The following HTRA3 variants were observed in gnomAD, a reference collection of about 807,000 sequenced individuals.
HTRA3 encodes the protein serine protease HTRA3.
Under a neutral mutation model 43.2 loss-of-function variants are expected in HTRA3, and 41 were observed. That is an observed-to-expected ratio of 0.95 (90% CI 0.74 to 1.23). HTRA3 has a LOEUF of 1.23. Among genes scored for constraint, HTRA3 ranks in the 50% most tolerant of loss-of-function variants. The pLI, the probability that HTRA3 is intolerant of heterozygous loss-of-function variation, is 0.00. For synonymous variants in HTRA3, 295 were observed against 287.9 expected, an observed-to-expected ratio of 1.02 and a Z score of -0.25; for missense variants, 628 against 647.1, an observed-to-expected ratio of 0.97 and a Z score of 0.32.
Position 8,295,831 on chromosome 4 carries a change from G to A in HTRA3, c.1051+1630G>A. 3 of 1,239,854 alleles carry A rather than the reference G, an allele frequency of 2.4e-6. No individual in the cohort carries two copies. The highest frequency in any genetic ancestry group is 3.0e-6 in the Non-Finnish European group (3 of 990,718). The allele number at this position is 1,239,854 out of a possible 1,614,324, so 76.8% of individuals were successfully genotyped here. Reference sequence around the variant, plus strand: ...AGGGCTGGTCACATGAAGAGCTGCTGTTGAGGATGCCGCCATTGTTCTTCT... The same window carrying A: ...AGGGCTGGTCACATGAAGAGCTGCTATTGAGGATGCCGCCATTGTTCTTCT... On this transcript the variant is annotated intron_variant, in intron 6 of 8. Coordinates refer to ENST00000307358, the MANE Select transcript of HTRA3 (RefSeq NM_053044.5). The surrounding 1 kb of genome is among the most constrained non-coding windows in gnomAD (Gnocchi z 6.9).
At chr4:8,303,822 G>A (rs552508688) in intron 7 of HTRA3, among the ~76,000 whole-genome samples, 20 of 136,428 alleles carry the variant, frequency 1.5e-4, no homozygotes, top group African/African-American at 2.5e-4. Context: ...ACTCAGCATT[G>A]TCTGTCCATT....
Position 8,296,289 on chromosome 4 carries a change from C to T in HTRA3, c.1051+2088C>T. On this transcript the variant is annotated intron_variant, in intron 6 of 8. Coordinates refer to ENST00000307358, the MANE Select transcript of HTRA3 (RefSeq NM_053044.5). The surrounding 1 kb of genome is among the most constrained non-coding windows in gnomAD (Gnocchi z 5.3). ...GTCCCAGTTAGTGCTGACCTCATCCCAGAACCCCCTGGGAAATATCCCCTG... is the reference window on the plus strand; with the variant it reads ...GTCCCAGTTAGTGCTGACCTCATCCTAGAACCCCCTGGGAAATATCCCCTG... 1 of 985,524 alleles carries T rather than the reference C, an allele frequency of 1.0e-6. No homozygotes were observed. The highest frequency in any genetic ancestry group is 1.2e-6 in the Non-Finnish European group (1 of 830,012). 61.0% of individuals were successfully genotyped at this position (985,524 alleles called of 1,614,324 possible). A position where few individuals can be genotyped will look rare whatever the true frequency, so the allele number is the denominator to read the frequency against.
rs761561554 is a variant in HTRA3, at chr4:8,286,671, C to T, written c.596C>T (p.Ala199Val). ...NAHVVSSNSA[A>V]PGRQQLKVQL... ...CACGTGGTGTCCAGCAACAGTGCTG[C>T]CCCGGGCAGGCAGCAGCTCAAGGTG... The change falls in exon 3 of 9, where the codon GCC becomes GTC. Residue 199 changes from alanine to valine, a missense_variant. Coordinates refer to ENST00000307358, the MANE Select transcript of HTRA3 (RefSeq NM_053044.5). The surrounding 1 kb of genome is among the most constrained non-coding windows in gnomAD (Gnocchi z 4.9). The T allele has an allele frequency of 1.9e-6, 3 of 1,614,144 alleles. No homozygotes were observed. Among genetic ancestry groups the T allele is most frequent in the South Asian group, 2.2e-5 (2 of 91,088 alleles).
In HTRA3 at chr4:8,294,087, G is replaced by C. The variant is rs769152533; in HGVS notation, c.937G>C (p.Asp313His). 6.2e-7 allele frequency: 1 copy of C among 1,605,838 alleles called. No homozygotes were observed. The highest frequency in any genetic ancestry group is 8.5e-7 in the Non-Finnish European group (1 of 1,175,788). ...TGCCTGCTCTTACCTCCCTGCCCAGGATGGCGAGGTCATTGGCATCAACAC... is the reference window on the plus strand; with the variant it reads ...TGCCTGCTCTTACCTCCCTGCCCAGCATGGCGAGGTCATTGGCATCAACAC... ...GNSGGPLVNL[D>H]GEVIGINTLK... The change falls in exon 6 of 9, where the codon GAT becomes CAT. Residue 313 changes from aspartate (D) to histidine (H), a missense_variant and splice_region_variant. Physicochemically the swap from Asp to His is moderately conservative, Grantham distance 81. Transcript: ENST00000307358.
intron 3 of HTRA3, among the ~76,000 whole-genome samples, chr4:8,289,198 C>A (rs1713127988): frequency 6.6e-6 from 1 of 152,194 alleles, no homozygotes; most frequent in South Asian, 2.1e-4. Context: ...AATCCTCCTG[C>A]CTCGGCCTCC....
chr4:8,288,874 A>C (rs1262241530), intron 3 of HTRA3, among the ~76,000 whole-genome samples: 13 of 114,174 alleles, frequency 1.1e-4, no homozygotes, highest in South Asian at 3.4e-4. Flanking sequence ...CCCCACCCCC[A>C]AATTTTCCTT....
intron 3 of HTRA3, among the ~76,000 whole-genome samples, chr4:8,291,115 A>G (rs1390589757): frequency 6.6e-6 from 1 of 152,194 alleles, no homozygotes. Flanking sequence ...ATGAGCACCC[A>G]TGCCTGCCCT....
At chr4:8,301,006 T>G (rs550735787) in intron 6 of HTRA3, among the ~76,000 whole-genome samples, 1 of 151,534 alleles carries the variant, frequency 6.6e-6, no homozygotes, top group Non-Finnish European at 1.5e-5. Flanking sequence ...ACACTCATCT[T>G]TATTGATTCA....
chr4:8,301,750 T>A (rs1713663937), intron 6 of HTRA3, among the ~76,000 whole-genome samples: 2 of 152,236 alleles, frequency 1.3e-5, no homozygotes, highest in African/African-American at 4.8e-5. Flanking sequence ...CTGAACATAA[T>A]TTCTAATTTC....
rs183267423 is a variant in HTRA3 at position 8,274,416 on chromosome 4, G to A, written c.385+4063G>A. On this transcript the variant is annotated intron_variant, in intron 1 of 8. Coordinates refer to ENST00000307358, the MANE Select transcript of HTRA3 (RefSeq NM_053044.5). ...GGCCCTGCACACAGATGTGACTGTG[G>A]GTCAATTTCTCTGCGTGATCCCCAT... Among the ~76,000 whole-genome samples, 16 of 152,328 alleles carry A rather than the reference G, an allele frequency of 1.1e-4. No individual in the cohort carries two copies. In the East Asian group the frequency reaches 3.1e-3, roughly 29 times the overall value.
At position 8,292,612 on chromosome 4, in the gene HTRA3, G is replaced by A. The variant is rs374106060; in HGVS notation, c.936+259G>A. On this transcript the variant is annotated intron_variant, in intron 5 of 8. Transcript: ENST00000307358. Reference sequence around the variant, plus strand: ...GTCCAGGGCCATGTGCCTGTCAGGGGAGCTGGGGCAAGGGAGACGCAGGTG... The same window carrying A: ...GTCCAGGGCCATGTGCCTGTCAGGGAAGCTGGGGCAAGGGAGACGCAGGTG... Among the ~76,000 whole-genome samples the A allele has an allele frequency of 4.1e-4, 62 of 152,360 alleles. 1 individual carries two copies. The East Asian group carries it at 9.1e-3, about 22-fold the overall frequency.
rs1479354832 is a variant in HTRA3, at chr4:8,291,356, C to T, written c.709-14C>T. ...TAAGCCTCCCTCTCTGTGTCTTCTC[C>T]TTCTCTCTCCTAGAAAAAGCTCCCT... On this transcript the variant is annotated splice_polypyrimidine_tract_variant and intron_variant, in intron 3 of 8. Transcript: ENST00000307358. 1 of 1,611,890 alleles carries T rather than the reference C, an allele frequency of 6.2e-7. No individual in the cohort carries two copies. The highest frequency in any genetic ancestry group is 1.7e-5 in the Admixed American group (1 of 60,018).
At chr4:8,287,257 C>T (rs991241582) in intron 3 of HTRA3, among the ~76,000 whole-genome samples, 3 of 152,104 alleles carry the variant, frequency 2.0e-5, no homozygotes, top group African/African-American at 7.2e-5. Context: ...ACTGAGGCCC[C>T]CAGAATCCTC....
Position 8,282,504 on chromosome 4 carries a change from A to T in HTRA3, c.453A>T (p.Ala151=). Reference sequence around the variant, plus strand: ...TTGCTGACGTGGTGGAGAAGATCGCACCAGCCGTGGTCCACATAGAGCTCT... The same window carrying T: ...TTGCTGACGTGGTGGAGAAGATCGCTCCAGCCGTGGTCCACATAGAGCTCT... The part of the protein sequence containing the change: ...NFIADVVEKI[A]PAVVHIELFL... The change falls in exon 2 of 9, where the codon GCA becomes GCT. Residue 151 remains alanine (A), a synonymous_variant. Transcript: ENST00000307358. The T allele has an allele frequency of 6.2e-7, 1 of 1,613,972 alleles. No homozygotes were observed. The highest frequency in any genetic ancestry group is 8.5e-7 in the Non-Finnish European group (1 of 1,179,936).
intron 1 of HTRA3, 132 bp from the exon 2 acceptor site, chr4:8,282,305 G>T: frequency 1.4e-6 from 1 of 710,122 alleles, no homozygotes; most frequent in Non-Finnish European, 2.4e-6. Flanking sequence ...GCTCAGTGTG[G>T]GCTGAGGCTG....
chr4:8,297,993 C>T lies in HTRA3; in HGVS notation c.1051+3792C>T, dbSNP rs12643531. 0.55 allele frequency among the ~76,000 whole-genome samples: 84,306 copies of T among 151,944 alleles called. 23,819 individuals are homozygous for T. The highest frequency in any genetic ancestry group is 0.85 in the East Asian group (4,406 of 5,160). ...TCCCACATGCCTCATCCACTGTCAGCGAGTCCATTGGCCCAGGCTTCAGGA... is the reference window on the plus strand; with the variant it reads ...TCCCACATGCCTCATCCACTGTCAGTGAGTCCATTGGCCCAGGCTTCAGGA... On this transcript the variant is annotated intron_variant, in intron 6 of 8. Transcript: ENST00000307358. This position sits in a 1 kb window ranked among gnomAD's most constrained non-coding sequence, Gnocchi z 5.8.
intron 3 of HTRA3, among the ~76,000 whole-genome samples, chr4:8,287,620 T>C (rs1713046881): frequency 6.6e-6 from 1 of 151,852 alleles, no homozygotes; most frequent in South Asian, 2.1e-4. Context: ...CTCACCACCA[T>C]GAGAACAGCA....
Position 8,304,173 on chromosome 4 carries a change from A to G in HTRA3, c.1101-11A>G, listed in dbSNP as rs761971843. 5.0e-6 allele frequency: 8 copies of G among 1,612,506 alleles called. No individual in the cohort carries two copies. In the Admixed American group the frequency reaches 1.3e-4, roughly 27 times the overall value. Reference sequence around the variant, plus strand: ...CTCAGGGGAGGGGCCTTGACGGCAGACTCTTTCCAGCCTGGTGGATGAGCT... The same window carrying G: ...CTCAGGGGAGGGGCCTTGACGGCAGGCTCTTTCCAGCCTGGTGGATGAGCT... On this transcript the variant is annotated splice_polypyrimidine_tract_variant and intron_variant, in intron 7 of 8. Coordinates refer to ENST00000307358, the MANE Select transcript of HTRA3 (RefSeq NM_053044.5).
rs1319799685 is a variant in HTRA3, at chr4:8,286,587, C to T, written c.512C>T (p.Pro171Leu). 8.7e-6 allele frequency: 14 copies of T among 1,614,076 alleles called. No individual in the cohort carries two copies. The highest frequency in any genetic ancestry group is 1.3e-5 in the African/African-American group (1 of 75,024). The change falls in exon 3 of 9, where the codon CCC becomes CTC. Residue 171 changes from proline to leucine, a missense_variant. Pro to Leu is a moderately conservative substitution (Grantham distance 98). Transcript: ENST00000307358. The surrounding 1 kb of genome is among the most constrained non-coding windows in gnomAD (Gnocchi z 4.9). ...CACCCGCTGTTTGGCCGCAACGTGC[C>T]CCTGTCCAGCGGTTCTGGCTTCATC... is the stretch of plus-strand genomic sequence containing the variant. Reference protein sequence around the residue: ...LRHPLFGRNVPLSSGSGFIMS... With the variant: ...LRHPLFGRNVLLSSGSGFIMS...
Sources: allele counts gnomAD v4.1 joint callset (sites outside exome capture counted in the v4.1 genomes callset), GRCh38; gene constraint gnomAD v4.1.1; non-coding constraint Gnocchi (gnomAD v3.1); transcripts MANE v1.5; gene names NCBI Gene and HGNC (gene_info 2026-07-23, HGNC 2026-07-21).